The following ADAMTS2 variants were observed in gnomAD, a reference collection of about 807,000 sequenced individuals.
ADAMTS2 encodes the protein ADAM metallopeptidase with thrombospondin type 1 motif 2, also known as A disintegrin and metalloproteinase with thrombospondin motifs 2.
In ADAMTS2, 50 loss-of-function variants were observed where a neutral mutation model predicts 123.0. That is an observed-to-expected ratio of 0.41 (90% CI 0.32 to 0.51). The LOEUF (loss-of-function observed/expected upper bound fraction) is 0.51, where lower values mean the gene tolerates loss of function less well. ADAMTS2 is among the 20% of genes least tolerant of loss of function. The pLI, the probability that ADAMTS2 is intolerant of heterozygous loss-of-function variation, is 0.35. For synonymous variants in ADAMTS2, 678 were observed against 695.4 expected (o/e 0.98, Z 0.39); for missense variants, 1,494 against 1,705.2 (o/e 0.88, Z 2.18).
intron 5 of ADAMTS2, among the ~76,000 whole-genome samples, chr5:179,177,909 G>A (rs1035727332): frequency 6.6e-6 from 1 of 152,144 alleles, no homozygotes; most frequent in Non-Finnish European, 1.5e-5. Flanking sequence ...AAGATCCAAA[G>A]CTTTGCCAGC....
chr5:179,344,045 C>A lies in ADAMTS2; in HGVS notation c.256G>T (p.Ala86Ser). Residue 86 changes from alanine (A) to serine (S), a missense_variant, in exon 2 of 22, where the codon GCC becomes TCC. Ala to Ser is a moderately conservative substitution (Grantham distance 99). Transcript: ENST00000251582. ...SAATSRAGVR[A>S]RRAAPVRTPS... ...GTCCGGACCGGGGCGGCCCTGCGGG[C>A]TCGTACCCCTGCTCTGGACGTAGCT... The A allele has an allele frequency of 6.2e-7, 1 of 1,612,408 alleles. No individual in the cohort carries two copies. The highest frequency in any genetic ancestry group is 8.5e-7 in the Non-Finnish European group (1 of 1,179,808).
At chr5:179,208,945 C>T (rs556909165) in intron 3 of ADAMTS2, among the ~76,000 whole-genome samples, 16 of 152,326 alleles carry the variant, frequency 1.1e-4, no homozygotes, top group South Asian at 6.2e-4. Flanking sequence ...GGGAGACCAG[C>T]GTCCCTGCTG....
Position 179,343,893 on chromosome 5 carries a change from A to G in ADAMTS2, c.408T>C (p.Thr136=), listed in dbSNP as rs2127463354. 1 of 1,603,768 alleles carries G rather than the reference A, an allele frequency of 6.2e-7. No homozygotes were observed. Reference sequence around the variant, plus strand: ...TGCCCTTCTCGCCCTGCCACTCCATAGTGGCCCCGGGCGCCACGAGGCGGG... The same window carrying G: ...TGCCCTTCTCGCCCTGCCACTCCATGGTGGCCCCGGGCGCCACGAGGCGGG... ...PNARLVAPGA[T]MEWQGEKGTT... The change falls in exon 2 of 22, where the codon ACT becomes ACC. Residue 136 remains threonine, a synonymous_variant. Coordinates refer to ENST00000251582, the MANE Select transcript of ADAMTS2 (RefSeq NM_014244.5).
intron 2 of ADAMTS2, among the ~76,000 whole-genome samples, chr5:179,334,062 A>G (rs1355228004): frequency 2.6e-5 from 4 of 152,170 alleles, no homozygotes; most frequent in Non-Finnish European, 5.9e-5. Context: ...AGGAGAATGG[A>G]GGGATTGCTC....
At chr5:179,220,200 T>G (rs1438503344) in intron 3 of ADAMTS2, among the ~76,000 whole-genome samples, 2 of 152,138 alleles carry the variant, frequency 1.3e-5, no homozygotes, top group African/African-American at 4.8e-5. Flanking sequence ...CACTGTGAAC[T>G]TCAGAACAAA....
intron 4 of ADAMTS2, among the ~76,000 whole-genome samples, chr5:179,193,027 CCT>C (rs1481740494): frequency 6.6e-6 from 1 of 152,190 alleles, no homozygotes; most frequent in African/African-American, 2.4e-5. Context: ...ACAAGGGGCT[CCT>C]CTGTGTGGAA....
chr5:179,167,324 C>T (rs1274059474), intron 5 of ADAMTS2, among the ~76,000 whole-genome samples: 2 of 151,970 alleles, frequency 1.3e-5, no homozygotes, highest in East Asian at 3.9e-4. Context: ...GCCGGGGACG[C>T]ACCCGGCGCC....
intron 5 of ADAMTS2, among the ~76,000 whole-genome samples, chr5:179,174,736 TCTTA>T (rs2113299155): frequency 6.6e-6 from 1 of 152,402 alleles, no homozygotes; most frequent in East Asian, 1.9e-4. Flanking sequence ...GGAGGAAGTC[TCTTA>T]CTTGCTTGGG....
At chr5:179,178,484 C>G (rs986577947) in intron 5 of ADAMTS2, among the ~76,000 whole-genome samples, 1 of 152,252 alleles carries the variant, frequency 6.6e-6, no homozygotes, top group South Asian at 2.1e-4. Flanking sequence ...AAGTGGCCGG[C>G]TGCAGAGAGC....
chr5:179,154,940 G>A (rs1763440069), intron 6 of ADAMTS2, 21 bp from the exon 7 acceptor site: 1 of 1,601,482 alleles, frequency 6.2e-7, no homozygotes, highest in Non-Finnish European at 8.5e-7. Context: ...ACAAGAGGCG[G>A]CTCCAGATGC....
rs568126790 is a variant in ADAMTS2, at chr5:179,339,807, G to A, written c.534+3960C>T. Among the ~76,000 whole-genome samples the A allele has an allele frequency of 3.9e-5, 6 of 152,346 alleles. No homozygotes were observed. The East Asian group carries it at 9.7e-4, about 25-fold the overall frequency. Reference sequence around the variant, plus strand: ...CCCTCACCCCACTGCACAGTCCCAGGACCCGCTCACACCTGCCTGATCTGC... The same window carrying A: ...CCCTCACCCCACTGCACAGTCCCAGAACCCGCTCACACCTGCCTGATCTGC... On this transcript the variant is annotated intron_variant, in intron 2 of 21. Coordinates refer to ENST00000251582, the MANE Select transcript of ADAMTS2 (RefSeq NM_014244.5).
At chr5:179,121,818 G>A in intron 20 of ADAMTS2, 68 bp from the exon 21 acceptor site, 2 of 1,120,564 alleles carry the variant, frequency 1.8e-6, no homozygotes, top group Non-Finnish European at 2.5e-6. Flanking sequence ...AGGCAGAGAG[G>A]CTCCGGGTCT....
chr5:179,168,772 GC>G (rs1304878453), intron 5 of ADAMTS2, among the ~76,000 whole-genome samples: 1 of 152,080 alleles, frequency 6.6e-6, no homozygotes, highest in Admixed American at 6.6e-5. Flanking sequence ...GTTCTACCGT[GC>G]CCCCCAGCTG....
At chr5:179,300,899 C>T (rs567120433) in intron 2 of ADAMTS2, among the ~76,000 whole-genome samples, 3 of 152,288 alleles carry the variant, frequency 2.0e-5, no homozygotes, top group South Asian at 2.1e-4. Flanking sequence ...TTCATCTACG[C>T]GGAGCCAGAA....
intron 2 of ADAMTS2, among the ~76,000 whole-genome samples, chr5:179,329,923 G>C (rs969324225): frequency 6.6e-6 from 1 of 151,696 alleles, no homozygotes; most frequent in Non-Finnish European, 1.5e-5. Context: ...TCAGGAGATC[G>C]AGACCATCCT....
Position 179,114,336 on chromosome 5 carries a change from A to G in ADAMTS2, c.3179-12T>C, listed in dbSNP as rs1198616247. The stretch of plus-strand genomic sequence containing the variant: ...TTGGCAGTGGCCCTCTGAAAAAGAA[A>G]AGTGGGACAAATAACCAAAGGACAA... On this transcript the variant is annotated splice_polypyrimidine_tract_variant and intron_variant, in intron 21 of 21. Coordinates refer to ENST00000251582, the MANE Select transcript of ADAMTS2 (RefSeq NM_014244.5). 16 of 1,610,584 alleles carry G rather than the reference A, an allele frequency of 9.9e-6. No individual in the cohort carries two copies. Among genetic ancestry groups the G allele is most frequent in the Non-Finnish European group, 1.3e-5 (15 of 1,178,572 alleles).
chr5:179,310,949 C>T (rs757667560), intron 2 of ADAMTS2, among the ~76,000 whole-genome samples: 115 of 152,192 alleles, frequency 7.6e-4, no homozygotes, highest in Non-Finnish European at 1.3e-3. Context: ...CTGCCTGCCC[C>T]AACCCACTTG....
At chr5:179,195,132 C>T (rs573707653) in intron 4 of ADAMTS2, among the ~76,000 whole-genome samples, 113 of 152,344 alleles carry the variant, frequency 7.4e-4, no homozygotes, top group African/African-American at 2.5e-3. Flanking sequence ...GTCCTGATCC[C>T]GCTCCCCATA....
intron 10 of ADAMTS2, among the ~76,000 whole-genome samples, chr5:179,146,106 C>T (rs572657795): frequency 6.6e-6 from 1 of 152,302 alleles, no homozygotes; most frequent in African/African-American, 2.4e-5. Flanking sequence ...CCTCCTGCCT[C>T]AGCCTCCCAA....
Sources: allele counts gnomAD v4.1 joint callset (sites outside exome capture counted in the v4.1 genomes callset), GRCh38; gene constraint gnomAD v4.1.1; transcripts MANE v1.5; gene names NCBI Gene and HGNC (gene_info 2026-07-23, HGNC 2026-07-21).